AGBL1: variants seen among roughly 807,000 people sequenced by gnomAD.
The protein encoded by AGBL1 is cytosolic carboxypeptidase 4.
AGBL1 carries 130 observed loss-of-function variants against 118.9 expected under a neutral mutation model. The ratio of observed to expected loss-of-function variants is 1.09; its 90% CI spans 0.95 to 1.26. The LOEUF (loss-of-function observed/expected upper bound fraction) is 1.26. Ranked by LOEUF, AGBL1 falls within the 50% of genes most tolerant of loss-of-function variation. The probability of loss-of-function intolerance (pLI) is 0.00; values close to 1 mark genes in which losing one functional copy is unlikely to be tolerated. For missense variants in AGBL1, 1,584 were observed against 1,298.1 expected (o/e 1.22, Z -3.38); for synonymous variants, 555 against 478.9 (o/e 1.16, Z -2.08).
At chr15:86,951,357 C>G (rs141738786) in intron 23 of AGBL1, among the ~76,000 whole-genome samples, 2 of 152,130 alleles carry the variant, frequency 1.3e-5, no homozygotes, top group South Asian at 2.1e-4. Flanking sequence ...TAAATACTTA[C>G]GTTCATCAAA....
At chr15:86,711,355 C>T (rs2086552538) in intron 22 of AGBL1, among the ~76,000 whole-genome samples, 1 of 152,148 alleles carries the variant, frequency 6.6e-6, no homozygotes, top group Non-Finnish European at 1.5e-5. Flanking sequence ...GTACTTTGAA[C>T]CTCTCTGTGG....
At chr15:86,554,817 T>A (rs1186936212) in intron 21 of AGBL1, among the ~76,000 whole-genome samples, 1 of 152,174 alleles carries the variant, frequency 6.6e-6, no homozygotes, top group Non-Finnish European at 1.5e-5. Context: ...CATCCCCAAC[T>A]TTTACAGAAC....
At chr15:86,929,900 T>G (rs530250030) in intron 23 of AGBL1, among the ~76,000 whole-genome samples, 1 of 152,340 alleles carries the variant, frequency 6.6e-6, no homozygotes, top group Admixed American at 6.5e-5. Flanking sequence ...TGCCACTTCA[T>G]GGAGGTTGCC....
intron 18 of AGBL1, among the ~76,000 whole-genome samples, chr15:86,446,106 A>G (rs2082117416): frequency 6.6e-6 from 1 of 152,138 alleles, no homozygotes; most frequent in Admixed American, 6.5e-5. Context: ...AGATAGGAAA[A>G]TGACCTGCTC....
intron 21 of AGBL1, among the ~76,000 whole-genome samples, chr15:86,672,033 C>T (rs2085754931): frequency 6.6e-6 from 1 of 152,158 alleles, no homozygotes; most frequent in South Asian, 2.1e-4. Context: ...GATAGCGCCA[C>T]TGTACTCCAG....
At chr15:86,226,260 CG>C (rs1440438142) in intron 6 of AGBL1, among the ~76,000 whole-genome samples, 1 of 152,144 alleles carries the variant, frequency 6.6e-6, no homozygotes, top group Non-Finnish European at 1.5e-5. Flanking sequence ...TCTGCTCCCT[CG>C]GTTGCTCCCA....
At chr15:87,008,842 G>T (rs1457884788) in intron 24 of AGBL1, among the ~76,000 whole-genome samples, 1 of 152,156 alleles carries the variant, frequency 6.6e-6, no homozygotes. Context: ...GAGATTTGTG[G>T]AACACTGAAC....
chr15:86,552,669 G>C (rs938049009), intron 20 of AGBL1, among the ~76,000 whole-genome samples: 3 of 152,136 alleles, frequency 2.0e-5, no homozygotes, highest in Admixed American at 6.5e-5. Context: ...CTTCTGGGGA[G>C]ATAGAAAACA....
intron 23 of AGBL1, among the ~76,000 whole-genome samples, chr15:86,921,354 G>T (rs1015804418): frequency 2.0e-5 from 3 of 152,112 alleles, no homozygotes; most frequent in African/African-American, 7.2e-5. Context: ...CTTGTCTGAG[G>T]TCTACGTGCC....
chr15:86,933,392 G>C (rs968066317), intron 23 of AGBL1, among the ~76,000 whole-genome samples: 1 of 152,194 alleles, frequency 6.6e-6, no homozygotes, highest in Non-Finnish European at 1.5e-5. Context: ...TCTGAATTCT[G>C]CTCAAATGTA....
chr15:86,338,027 T>C (rs1358826885), intron 17 of AGBL1, among the ~76,000 whole-genome samples: 1 of 152,218 alleles, frequency 6.6e-6, no homozygotes, highest in South Asian at 2.1e-4. Flanking sequence ...TCTTGCCCTT[T>C]GAGTTTGCAA....
At chr15:86,565,625 C>A (rs1000244025) in intron 21 of AGBL1, among the ~76,000 whole-genome samples, 1 of 152,222 alleles carries the variant, frequency 6.6e-6, no homozygotes, top group Non-Finnish European at 1.5e-5. Context: ...ATCTCAAACT[C>A]CATGCTAGGA....
At chr15:86,984,109 C>T (rs969361661) in intron 23 of AGBL1, among the ~76,000 whole-genome samples, 11 of 152,058 alleles carry the variant, frequency 7.2e-5, no homozygotes, top group East Asian at 1.9e-4. Context: ...ACATTCCCAA[C>T]GTGTTAGTAC....
chr15:86,620,337 G>A (rs1244474970), intron 21 of AGBL1, among the ~76,000 whole-genome samples: 1 of 152,160 alleles, frequency 6.6e-6, no homozygotes, highest in Admixed American at 6.5e-5. Context: ...GTGGAAAAGC[G>A]AAAGGTCATT....
Position 86,647,404 on chromosome 15 carries a change from A to C in AGBL1, c.2995-26869A>C, listed in dbSNP as rs546558569. Among the ~76,000 whole-genome samples the C allele has an allele frequency of 1.3e-3, 193 of 152,344 alleles. 1 individual carries two copies. The highest frequency in any genetic ancestry group is 2.3e-3 in the Admixed American group (35 of 15,292). On this transcript the variant is annotated intron_variant, in intron 21 of 22. Coordinates refer to ENST00000614907, the MANE Select transcript of AGBL1 (RefSeq NM_001386094.1). Reference sequence around the variant, plus strand: ...TCCTTGTTTTCATGCAACTTAGAAAATATGTAAAATATCTGGCTGGGCGCA... The same window carrying C: ...TCCTTGTTTTCATGCAACTTAGAAACTATGTAAAATATCTGGCTGGGCGCA...
chr15:86,660,435 C>T (rs910179303), intron 21 of AGBL1, among the ~76,000 whole-genome samples: 3 of 152,106 alleles, frequency 2.0e-5, no homozygotes, highest in Non-Finnish European at 2.9e-5. Flanking sequence ...AACATATACA[C>T]GTATCATCCT....
chr15:86,395,289 CTT>C (rs1427758554), intron 17 of AGBL1, among the ~76,000 whole-genome samples: 2 of 152,038 alleles, frequency 1.3e-5, no homozygotes, highest in Non-Finnish European at 2.9e-5. Context: ...AATTCATCGA[CTT>C]TTGCGCCACT....
At position 86,322,806 on chromosome 15, in the gene AGBL1, G is replaced by C. The variant is rs142446156; in HGVS notation, c.2374+27398G>C. 3.7e-3 allele frequency among the ~76,000 whole-genome samples: 559 copies of C among 152,214 alleles called. 19 individuals carry two copies. The highest frequency in any genetic ancestry group is 0.031 in the Admixed American group (468 of 15,286). ...TGCATTTGTACTGAAAACCAGCTTG[G>C]GGATATACATGGATACTTTCCCAGA... is the stretch of plus-strand genomic sequence containing the variant. On this transcript the variant is annotated intron_variant, in intron 17 of 22. Coordinates refer to ENST00000614907, the MANE Select transcript of AGBL1 (RefSeq NM_001386094.1).
intron 24 of AGBL1, among the ~76,000 whole-genome samples, chr15:87,010,749 A>G (rs1403473134): frequency 1.3e-5 from 2 of 152,174 alleles, no homozygotes; most frequent in Admixed American, 6.6e-5. Flanking sequence ...TAGCTTGAAA[A>G]TAGCCTATCA....
Sources: gnomAD v4.1 joint callset for allele counts (sites outside exome capture counted in the v4.1 genomes callset) on GRCh38, gnomAD v4.1.1 for gene constraint, MANE v1.5 for transcripts, NCBI Gene and HGNC (gene_info 2026-07-23, HGNC 2026-07-21) for gene names.